Variants in MCPH1 observed in about 807,000 individuals in gnomAD.
MCPH1 encodes the protein microcephalin 1, also known as microcephalin.
A neutral mutation model predicts 84.5 loss-of-function variants in MCPH1; 104 were observed. The ratio of observed to expected loss-of-function variants is 1.23; its 90% CI spans 1.05 to 1.45. The LOEUF is 1.45. MCPH1 is among the 40% of genes most tolerant of loss of function. The pLI is 0.00. For synonymous variants in MCPH1, 514 were observed against 366.8 expected (o/e 1.40, Z -4.58); for missense variants, 1,498 against 1,005.7 (o/e 1.49, Z -6.62).
At chr8:6,419,496 C>T (rs1338694871) in intron 3 of MCPH1, among the ~76,000 whole-genome samples, 2 of 151,874 alleles carry the variant, frequency 1.3e-5, no homozygotes, top group African/African-American at 4.8e-5. Flanking sequence ...AGGTTCATGC[C>T]ATTCTCCTGC....
intron 12 of MCPH1, among the ~76,000 whole-genome samples, chr8:6,524,109 C>G (rs1013667005): frequency 2.6e-5 from 4 of 152,196 alleles, no homozygotes; most frequent in African/African-American, 9.7e-5. Flanking sequence ...AGATTCCTCT[C>G]TCTGACATTT....
intron 13 of MCPH1, chr8:6,626,906 G>T: frequency 1.0e-6 from 1 of 984,282 alleles, no homozygotes; most frequent in Non-Finnish European, 1.2e-6. Context: ...CCCTTTTATT[G>T]TCTGGGCTCC....
In MCPH1 at chr8:6,621,612, C is replaced by G. The variant is rs1366505466; in HGVS notation, c.2373C>G (p.Arg791=). 1.2e-6 allele frequency: 2 copies of G among 1,614,238 alleles called. No individual in the cohort carries two copies. Among genetic ancestry groups the G allele is most frequent in the South Asian group, 1.1e-5 (1 of 91,084 alleles). ...GAGGCCGGGTCAGCCAAGTCCCCCG[C>G]CAGGCCAGCATCGTCATCGGGCCCT... The part of the protein sequence containing the change: ...LCGGRVSQVP[R]QASIVIGPYS... Residue 791 remains arginine (R), a synonymous_variant, in exon 13 of 14, where the codon CGC becomes CGG. Transcript: ENST00000344683.
chr8:6,557,688 T>TACACAC (rs112788253), intron 12 of MCPH1, among the ~76,000 whole-genome samples: 17,689 of 148,718 alleles, frequency 0.12, 1,119 homozygotes, highest in South Asian at 0.17. Context: ...TATGTGTGTG[T>TACACAC]ACACACACAC....
intron 3 of MCPH1, among the ~76,000 whole-genome samples, chr8:6,421,148 C>T (rs753280667): frequency 5.3e-5 from 8 of 152,160 alleles, no homozygotes; most frequent in Non-Finnish European, 1.2e-4. Flanking sequence ...GCTTTCTTCC[C>T]GTTTCTCCGC....
At chr8:6,592,336 AG>A (rs1312357500) in intron 12 of MCPH1, among the ~76,000 whole-genome samples, 1 of 151,812 alleles carries the variant, frequency 6.6e-6, no homozygotes, top group Non-Finnish European at 1.5e-5. Context: ...TGGTAGAGAC[AG>A]GGTTTTGCCA....
intron 4 of MCPH1, among the ~76,000 whole-genome samples, chr8:6,433,425 G>C (rs1004265315): frequency 1.3e-5 from 2 of 152,044 alleles, no homozygotes; most frequent in African/African-American, 4.8e-5. Flanking sequence ...TTGAGGCCAG[G>C]AGTTTGAGAG....
intron 12 of MCPH1, among the ~76,000 whole-genome samples, chr8:6,536,032 G>A (rs1004252191): frequency 6.6e-6 from 1 of 152,012 alleles, no homozygotes; most frequent in African/African-American, 2.4e-5. Flanking sequence ...ACTGCAGCTT[G>A]GGCGACAGAG....
chr8:6,585,490 C>T (rs755016270), intron 12 of MCPH1, among the ~76,000 whole-genome samples: 16 of 152,360 alleles, frequency 1.1e-4, no homozygotes, highest in South Asian at 2.1e-4. Flanking sequence ...CATTGTCGGC[C>T]GCCTCGAAAA....
In MCPH1 at chr8:6,445,315, C is replaced by A; in HGVS notation, c.1593C>A (p.Asp531Glu). ...EGNGFSYTIEDPALPKGHDDD... is the reference protein window; with the variant it reads ...EGNGFSYTIEEPALPKGHDDD... ...ATGGCTTTTCTTACACCATTGAGGA[C>A]CCTGCTCTTCCAAAAGGACATGATG... The change falls in exon 8 of 14, where the codon GAC (aspartate) becomes GAA (glutamate). Residue 531 changes from aspartate (D) to glutamate (E), a missense_variant. Transcript: ENST00000344683. 6.2e-7 allele frequency: 1 copy of A among 1,614,188 alleles called. No homozygotes were observed. The highest frequency in any genetic ancestry group is 8.5e-7 in the Non-Finnish European group (1 of 1,180,050).
At chr8:6,642,945 A>G (rs1323192130) in intron 13 of MCPH1, 49 bp from the exon 14 acceptor site, 8 of 1,543,600 alleles carry the variant, frequency 5.2e-6, no homozygotes, top group Non-Finnish European at 7.2e-6. Context: ...TCACTTTCCT[A>G]TGTGGCTGGC....
chr8:6,496,888 C>T (rs1240088170), intron 11 of MCPH1, among the ~76,000 whole-genome samples: 1 of 152,130 alleles, frequency 6.6e-6, no homozygotes. Context: ...CCACCCCACC[C>T]CCAGTTTTCT....
chr8:6,581,991 C>G (rs1032499446), intron 12 of MCPH1, among the ~76,000 whole-genome samples: 1 of 152,182 alleles, frequency 6.6e-6, no homozygotes, highest in Non-Finnish European at 1.5e-5. Context: ...AAGGCACCAC[C>G]TCCCAGTACT....
chr8:6,562,854 G>T (rs779872359), intron 12 of MCPH1: 19 of 1,613,250 alleles, frequency 1.2e-5, no homozygotes, highest in Non-Finnish European at 1.5e-5. Context: ...TTCCTATGCT[G>T]TCCATGCTCT....
intron 12 of MCPH1, among the ~76,000 whole-genome samples, chr8:6,579,662 A>G (rs1827393975): frequency 6.6e-6 from 1 of 152,174 alleles, no homozygotes; most frequent in African/African-American, 2.4e-5. Flanking sequence ...TGCTTAATGT[A>G]CACACCAAGT....
chr8:6,475,076 T>G (rs1179920249), intron 9 of MCPH1, among the ~76,000 whole-genome samples: 1 of 152,234 alleles, frequency 6.6e-6, no homozygotes. Flanking sequence ...TAGGTGTCTC[T>G]TTATTTCTAA....
chr8:6,478,111 C>T (rs945422095), intron 10 of MCPH1, among the ~76,000 whole-genome samples: 2 of 152,146 alleles, frequency 1.3e-5, no homozygotes, highest in African/African-American at 4.8e-5. Context: ...GTGCTATATT[C>T]TTTGCAACAG....
At chr8:6,582,471 C>G (rs1827634629) in intron 12 of MCPH1, among the ~76,000 whole-genome samples, 1 of 152,220 alleles carries the variant, frequency 6.6e-6, no homozygotes, top group Non-Finnish European at 1.5e-5. Context: ...ACCTCAGACA[C>G]ACAGAATCGG....
chr8:6,626,449 G>C (rs1204278783), intron 13 of MCPH1: 2 of 982,146 alleles, frequency 2.0e-6, no homozygotes, highest in African/African-American at 3.5e-5. Flanking sequence ...GGAGAAATGG[G>C]GTTGTTGTTT....
Sources: gnomAD v4.1 joint callset for allele counts (sites outside exome capture counted in the v4.1 genomes callset) on GRCh38, gnomAD v4.1.1 for gene constraint, MANE v1.5 for transcripts, NCBI Gene and HGNC (gene_info 2026-07-23, HGNC 2026-07-21) for gene names.